Variants in KIF1A observed in about 807,000 individuals in gnomAD.
KIF1A encodes the protein kinesin family member 1A.
Under a neutral mutation model 227.3 loss-of-function variants are expected in KIF1A, and 46 were observed. That is an observed-to-expected ratio of 0.20 (90% CI 0.16 to 0.26). The LOEUF is 0.26. KIF1A is among the 10% of genes least tolerant of loss of function. KIF1A has a pLI of 1.00. For synonymous variants in KIF1A, 1,022 were observed against 1,012.8 expected, an observed-to-expected ratio of 1.01 and a Z score of -0.17; for missense variants, 1,683 against 2,485.9, an observed-to-expected ratio of 0.68 and a Z score of 6.87.
chr2:240,722,015 G>A, intron 43 of KIF1A, 131 bp from the exon 44 acceptor site: 1 of 709,430 alleles, frequency 1.4e-6, no homozygotes, highest in South Asian at 1.6e-5. Context: ...GTGGGTCAAG[G>A]TGGGCAGCAC....
chr2:240,718,281 G>A, intron 47 of KIF1A, 113 bp from the exon 48 acceptor site: 1 of 769,690 alleles, frequency 1.3e-6, no homozygotes, highest in East Asian at 2.7e-5. Flanking sequence ...GAAAGTCCCA[G>A]GGAGGGGACA....
intron 9 of KIF1A, 85 bp downstream of exon 9, chr2:240,782,959 C>T (rs2054262528): frequency 2.7e-6 from 3 of 1,114,736 alleles, no homozygotes; most frequent in Non-Finnish European, 4.1e-6. Flanking sequence ...AGACACAGGG[C>T]CCGGAAACGA....
At position 240,818,995 on chromosome 2, in the gene KIF1A, CGCGCCGGGCGACGTCG is replaced by C; in HGVS notation, c.-61+1111_-61+1126del. On this transcript the variant is annotated intron_variant, in intron 1 of 48. Transcript: ENST00000498729. ...CGGGGACGTGGGCGCGCATCGGGTCCGCGCCGGGCGACGTCGCGCTCGCGCCCAGCAGGCCCCATGA... is the reference window on the plus strand; with the variant it reads ...CGGGGACGTGGGCGCGCATCGGGTCCCGCTCGCGCCCAGCAGGCCCCATGA... The C allele has an allele frequency of 1.3e-5, 2 of 152,394 alleles. 1 individual carries two copies. The highest frequency in any genetic ancestry group is 6.8e-3 in the Middle Eastern group (2 of 294). The allele number at this position is 152,394 out of a possible 1,614,324, so 9.4% of individuals were successfully genotyped here.
chr2:240,756,550 A>C (rs1418156865), intron 27 of KIF1A, among the ~76,000 whole-genome samples: 2 of 152,222 alleles, frequency 1.3e-5, no homozygotes, highest in Admixed American at 1.3e-4. Context: ...TTCTCTCTGC[A>C]AAGGGCACAT....
rs996110321 is a variant in KIF1A, at chr2:240,772,601, G to C, written c.1181-5C>G. ...GTCCTCCAGGCACAGTGTTGGCTATGGGGGAGGGAAGCGTGGGGGAGGGGG... is the reference window on the plus strand; with the variant it reads ...GTCCTCCAGGCACAGTGTTGGCTATCGGGGAGGGAAGCGTGGGGGAGGGGG... On this transcript the variant is annotated splice_polypyrimidine_tract_variant and splice_region_variant and intron_variant, in intron 13 of 48. Transcript: ENST00000498729. 4.5e-6 allele frequency: 7 copies of C among 1,545,766 alleles called. No homozygotes were observed. Among genetic ancestry groups the C allele is most frequent in the Non-Finnish European group, 6.1e-6 (7 of 1,142,774 alleles).
At chr2:240,743,497 C>T (rs561841682) in intron 33 of KIF1A, among the ~76,000 whole-genome samples, 132 of 152,310 alleles carry the variant, frequency 8.7e-4, no homozygotes, top group African/African-American at 2.9e-3. Context: ...ACTTCATGCC[C>T]CAGCCCCGCA....
chr2:240,718,231 C>T, intron 47 of KIF1A, 63 bp from the exon 48 acceptor site: 3 of 1,133,510 alleles, frequency 2.6e-6, no homozygotes, highest in South Asian at 1.3e-5. Context: ...CACCCTCCTG[C>T]TCCCCAGGGC....
rs1175614214 is a variant in KIF1A at position 240,736,508 on chromosome 2, C to T, written c.4007+555G>A. Among the ~76,000 whole-genome samples, 1 of 152,210 alleles carries T rather than the reference C, an allele frequency of 6.6e-6. No individual in the cohort carries two copies. The highest frequency in any genetic ancestry group is 2.4e-5 in the African/African-American group (1 of 41,442). The stretch of plus-strand genomic sequence containing the variant: ...ACCCCAGCAGACCCCGATAGGGCTG[C>T]CACAGACATCCCAGAGCGCCAAAAC... On this transcript the variant is annotated intron_variant, in intron 38 of 48. Coordinates refer to ENST00000498729, the MANE Select transcript of KIF1A (RefSeq NM_001244008.2). The surrounding 1 kb of genome is among the most constrained non-coding windows in gnomAD (Gnocchi z 4.7).
At chr2:240,722,342 T>C (rs373050126) in intron 43 of KIF1A, 114 bp downstream of exon 43, 2 of 972,912 alleles carry the variant, frequency 2.1e-6, no homozygotes, top group East Asian at 2.6e-5. Flanking sequence ...TAGCTCCTGG[T>C]GGTGCTAACC....
chr2:240,754,422 C>A (rs1240380937), intron 27 of KIF1A, among the ~76,000 whole-genome samples: 2 of 152,218 alleles, frequency 1.3e-5, no homozygotes, highest in African/African-American at 4.8e-5. Flanking sequence ...CCAGAAGGGA[C>A]CTCTAGGGCC....
chr2:240,809,337 G>A (rs1159642464), intron 1 of KIF1A, among the ~76,000 whole-genome samples: 2 of 152,148 alleles, frequency 1.3e-5, no homozygotes, highest in African/African-American at 2.4e-5. Context: ...CTATGATCTC[G>A]AGCCTTGGTA....
chr2:240,726,764 A>G lies in KIF1A; in HGVS notation c.4122+62T>C. 1.1e-5 allele frequency: 11 copies of G among 999,516 alleles called. No homozygotes were observed. The highest frequency in any genetic ancestry group is 1.7e-5 in the Non-Finnish European group (11 of 641,072). 61.9% of individuals were successfully genotyped at this position (999,516 alleles called of 1,614,324 possible). ...TCATATGGGGTTGTCCAGAGCTTAC[A>G]AGAACCTCAAGCTTCAGGGGCTGAG... On this transcript the variant is annotated intron_variant, in intron 39 of 48. Transcript: ENST00000498729. The surrounding 1 kb of genome is among the most constrained non-coding windows in gnomAD (Gnocchi z 5.2).
At chr2:240,794,051 C>T (rs1363861511) in intron 2 of KIF1A, among the ~76,000 whole-genome samples, 1 of 152,230 alleles carries the variant, frequency 6.6e-6, no homozygotes, top group African/African-American at 2.4e-5. Flanking sequence ...CATCCACCCG[C>T]ACCCTCTCAT....
intron 1 of KIF1A, 185 bp from the exon 2 acceptor site, chr2:240,797,997 G>T: frequency 2.3e-6 from 1 of 434,046 alleles, no homozygotes; most frequent in East Asian, 3.7e-5. Context: ...GGAGCCCAGC[G>T]GGACCAGTGG....
chr2:240,755,608 C>G (rs942983793), intron 27 of KIF1A, among the ~76,000 whole-genome samples: 1 of 152,208 alleles, frequency 6.6e-6, no homozygotes, highest in Non-Finnish European at 1.5e-5. Context: ...CCCAATGAAG[C>G]CCTTCACAGA....
chr2:240,732,411 C>T (rs530671513), intron 38 of KIF1A, among the ~76,000 whole-genome samples: 274 of 109,858 alleles, frequency 2.5e-3, no homozygotes, highest in Non-Finnish European at 4.0e-3. Context: ...ATGATTAGGG[C>T]GTAAGGGGAG....
intron 38 of KIF1A, chr2:240,734,840 A>G: frequency 1.2e-6 from 1 of 825,988 alleles, no homozygotes; most frequent in Non-Finnish European, 1.8e-6. Flanking sequence ...CTGTGGCCAC[A>G]GGCCCACTCT....
At chr2:240,779,338 A>G (rs528425074) in intron 10 of KIF1A, among the ~76,000 whole-genome samples, 10 of 138,570 alleles carry the variant, frequency 7.2e-5, no homozygotes, top group Admixed American at 6.2e-4. Flanking sequence ...TCAGTTCCTC[A>G]TAGTTCCACA....
chr2:240,757,701 A>C lies in KIF1A; in HGVS notation c.2583-107T>G. On this transcript the variant is annotated intron_variant, in intron 26 of 48. Coordinates refer to ENST00000498729, the MANE Select transcript of KIF1A (RefSeq NM_001244008.2). The surrounding 1 kb of genome is among the most constrained non-coding windows in gnomAD (Gnocchi z 6.2). The stretch of plus-strand genomic sequence containing the variant: ...GGCTTCTGTTTAAAACCAAAACCAA[A>C]CACACAGACCATCGAGAATGCTGCT... The C allele has an allele frequency of 5.8e-6, 6 of 1,032,154 alleles. No homozygotes were observed. Among genetic ancestry groups the C allele is most frequent in the Non-Finnish European group, 8.4e-6 (6 of 714,320 alleles). 63.9% of individuals were successfully genotyped at this position (1,032,154 alleles called of 1,614,324 possible).
Sources: gnomAD v4.1 joint callset for allele counts (sites outside exome capture counted in the v4.1 genomes callset) on GRCh38, gnomAD v4.1.1 for gene constraint, Gnocchi (gnomAD v3.1) non-coding constraint, MANE v1.5 for transcripts, NCBI Gene and HGNC (gene_info 2026-07-23, HGNC 2026-07-21) for gene names.